SUMF2: variants seen among roughly 807,000 people sequenced by gnomAD.
SUMF2 encodes inactive C-alpha-formylglycine-generating enzyme 2.
Under a neutral mutation model 44.8 loss-of-function variants are expected in SUMF2, and 45 were observed. The observed-to-expected ratio is 1.00, with a 90% CI of 0.79 to 1.29. The LOEUF is 1.29. SUMF2 is among the 50% of genes most tolerant of loss of function. SUMF2 has a pLI of 0.00. For missense variants in SUMF2, 418 were observed against 389.9 expected, an observed-to-expected ratio of 1.07 and a Z score of -0.61; for synonymous variants, 148 against 150.4, an observed-to-expected ratio of 0.98 and a Z score of 0.12.
At chr7:56,083,206 A>G (rs1445311742), downstream of SUMF2, 10 of 1,381,212 alleles carry the variant, frequency 7.2e-6, no homozygotes, top group African/African-American at 1.4e-5. Context: ...AGAAACCCAG[A>G]CCATCTCTAT....
chr7:56,087,549 C>G, the SUMF2 span: 1 of 1,573,640 alleles, frequency 6.4e-7, no homozygotes, highest in Non-Finnish European at 8.7e-7. Context: ...GCTGTCAGGG[C>G]AGAATCACAG....
chr7:56,080,914 G>A, downstream of SUMF2: 7 of 933,192 alleles, frequency 7.5e-6, no homozygotes, highest in Admixed American at 7.8e-5. Context: ...AGAGGGGATC[G>A]TGGCCTCAGT....
At chr7:56,069,833 CGT>C (rs1178728349) in intron 2 of SUMF2, among the ~76,000 whole-genome samples, 1 of 152,086 alleles carries the variant, frequency 6.6e-6, no homozygotes, top group Non-Finnish European at 1.5e-5. Flanking sequence ...ATCCTTCTGC[CGT>C]GGCCTCCCAA....
chr7:56,068,281 C>T lies in SUMF2; in HGVS notation c.68-201C>T, dbSNP rs560787832. Among the ~76,000 whole-genome samples the T allele has an allele frequency of 2.6e-5, 4 of 151,962 alleles. 1 individual carries two copies. Among genetic ancestry groups the T allele is most frequent in the South Asian group, 4.1e-4 (2 of 4,824 alleles). Reference sequence around the variant, plus strand: ...TCTTGATCTGACCTCGTCATCTACCCGCCTCGGCCTCTCAAAGTGCTGGGA... The same window carrying T: ...TCTTGATCTGACCTCGTCATCTACCTGCCTCGGCCTCTCAAAGTGCTGGGA... On this transcript the variant is annotated intron_variant, in intron 1 of 8. Coordinates refer to ENST00000434526, the MANE Select transcript of SUMF2 (RefSeq NM_015411.4).
At chr7:56,067,523 C>G (rs1794881555) in intron 1 of SUMF2, among the ~76,000 whole-genome samples, 1 of 151,938 alleles carries the variant, frequency 6.6e-6, no homozygotes, top group South Asian at 2.1e-4. Context: ...AGATATTATC[C>G]CTATTTTTCA....
chr7:56,075,041 C>T (rs773199158), intron 5 of SUMF2, among the ~76,000 whole-genome samples: 4 of 151,926 alleles, frequency 2.6e-5, no homozygotes, highest in Non-Finnish European at 4.4e-5. Context: ...AAAGCTGCGG[C>T]GAGCTATGAT....
chr7:56,068,516 G>A lies in SUMF2; in HGVS notation c.102G>A (p.Gln34=), dbSNP rs199650602. Residue 34 remains glutamine, a synonymous_variant, in exon 2 of 9, where the codon CAG becomes CAA. Transcript: ENST00000434526. ...AGGCTACTAGCATGGTCCAACTGCA[G>A]GGTGGGAGATTCCTGATGGGAACAA... is the stretch of plus-strand genomic sequence containing the variant. ...NGQATSMVQL[Q]GGRFLMGTNS... is the part of the protein sequence containing the mutation. The A allele has an allele frequency of 3.1e-6, 5 of 1,613,820 alleles. No individual in the cohort carries two copies. The highest frequency in any genetic ancestry group is 3.3e-5 in the Admixed American group (2 of 59,930).
At chr7:56,087,274 T>C in the SUMF2 span, among the ~76,000 whole-genome samples, 1 of 150,164 alleles carries the variant, frequency 6.7e-6, no homozygotes, top group Non-Finnish European at 1.5e-5. Context: ...CAGGCTGGAG[T>C]GTAATAGTGC....
In SUMF2 at chr7:56,078,473, T is replaced by C; in HGVS notation, c.786T>C (p.Asp262=). The part of the protein sequence containing the change: ...LRGASWIDTA[D]GSANHRARVT... ...GGGCATCCTGGATCGACACAGCTGA[T>C]GGCTCTGCCAATCACCGGGCCCGGG... The change falls in exon 8 of 9, where the codon GAT becomes GAC. Residue 262 remains aspartate (D), a synonymous_variant. Transcript: ENST00000434526. 6.3e-7 allele frequency: 1 copy of C among 1,596,994 alleles called. No homozygotes were observed. The highest frequency in any genetic ancestry group is 2.2e-5 in the East Asian group (1 of 44,648).
At chr7:56,080,905 G>C, downstream of SUMF2, 1 of 871,698 alleles carries the variant, frequency 1.1e-6, no homozygotes, top group South Asian at 1.7e-5. Context: ...CAGCCTTTGA[G>C]AGGGGATCGT....
the SUMF2 span, chr7:56,087,593 C>T: frequency 4.9e-5 from 79 of 1,611,590 alleles, no homozygotes; most frequent in South Asian, 2.6e-4. Context: ...GGGGCCATCA[C>T]TCACTGATGT....
chr7:56,076,462 T>G (rs1020084200), intron 5 of SUMF2: 1 of 170,864 alleles, frequency 5.9e-6, no homozygotes, highest in African/African-American at 2.4e-5. Context: ...GACCAGCCAG[T>G]GATCGAAGTT....
chr7:56,068,031 C>A (rs111931933), intron 1 of SUMF2, among the ~76,000 whole-genome samples: 1 of 110,354 alleles, frequency 9.1e-6, no homozygotes. Flanking sequence ...TTTTTTCTTT[C>A]TTTTTTTTTT....
the SUMF2 span, among the ~76,000 whole-genome samples, chr7:56,087,194 T>TTTATTATTATCATTATTA: frequency 7.3e-6 from 1 of 136,086 alleles, no homozygotes; most frequent in Non-Finnish European, 1.6e-5. Context: ...GCCCAGGGAC[T>TTTATTATTATCATTATTA]TTATTATTAT....
downstream of SUMF2, chr7:56,081,412 G>C (rs1320189228): frequency 1.6e-5 from 22 of 1,396,426 alleles, no homozygotes; most frequent in Non-Finnish European, 2.1e-5. This position sits in a 1 kb window ranked among gnomAD's most constrained non-coding sequence, Gnocchi z 4.6. Flanking sequence ...TGGCTTCTGC[G>C]GGGCCTTCCT....
the SUMF2 span, chr7:56,086,904 G>T: frequency 8.1e-7 from 1 of 1,235,726 alleles, no homozygotes; most frequent in Non-Finnish European, 1.2e-6. Flanking sequence ...GCAGCCCTGG[G>T]GTTGGGGAGG....
downstream of SUMF2, chr7:56,083,290 C>A (rs1332084369): frequency 5.0e-6 from 8 of 1,613,956 alleles, no homozygotes; most frequent in South Asian, 8.8e-5. Context: ...CGCAGCCTCT[C>A]TCCCGGCTCC....
At chr7:56,086,053 G>C in the SUMF2 span, among the ~76,000 whole-genome samples, 1 of 150,886 alleles carries the variant, frequency 6.6e-6, no homozygotes, top group Non-Finnish European at 1.5e-5. Flanking sequence ...TGGCTAAAAT[G>C]CCTGCAGGAC....
At chr7:56,082,591 C>G (rs761210890), downstream of SUMF2, among the ~76,000 whole-genome samples, 7 of 146,392 alleles carry the variant, frequency 4.8e-5, no homozygotes, top group Non-Finnish European at 1.1e-4. Flanking sequence ...GACTCTGTTT[C>G]AAAAAAAAAA....
Sources: gnomAD v4.1 joint callset for allele counts (sites outside exome capture counted in the v4.1 genomes callset) on GRCh38, gnomAD v4.1.1 for gene constraint, Gnocchi (gnomAD v3.1) non-coding constraint, MANE v1.5 for transcripts, NCBI Gene and HGNC (gene_info 2026-07-23, HGNC 2026-07-21) for gene names.